RNFT2: variants seen among roughly 807,000 people sequenced by gnomAD.
The protein encoded by RNFT2 is E3 ubiquitin-protein ligase RNFT2.
Under a neutral mutation model 53.0 loss-of-function variants are expected in RNFT2, and 36 were observed. That is an observed-to-expected ratio of 0.68 (90% CI 0.52 to 0.90). The LOEUF (loss-of-function observed/expected upper bound fraction) is 0.90, where lower values mean the gene tolerates loss of function less well. Among genes scored for constraint, RNFT2 ranks in the 40% least tolerant of loss-of-function variants. RNFT2 has a pLI of 0.00. For synonymous variants in RNFT2, 260 were observed against 253.2 expected (o/e 1.03, Z -0.26); for missense variants, 514 against 585.6 (o/e 0.88, Z 1.26).
chr12:116,806,379 AAAATATATAT>A (rs1389592795), intron 7 of RNFT2, among the ~76,000 whole-genome samples: 42 of 129,890 alleles, frequency 3.2e-4, no homozygotes, highest in African/African-American at 1.4e-3. Context: ...AAAAAAAAAA[AAAATATATAT>A]ATATATATAT....
intron 7 of RNFT2, among the ~76,000 whole-genome samples, chr12:116,833,524 G>A (rs542093487): frequency 1.3e-5 from 2 of 152,328 alleles, no homozygotes; most frequent in East Asian, 3.9e-4. Flanking sequence ...CAAAGGTGTA[G>A]GGTTTCTCCT....
chr12:116,782,191 G>C (rs1038893916), intron 7 of RNFT2: 1 of 151,106 alleles, frequency 6.6e-6, no homozygotes, highest in East Asian at 1.9e-4. Context: ...ACAAATTCAT[G>C]AAGCATTCTA....
At chr12:116,782,701 C>T (rs1317810867) in intron 7 of RNFT2, among the ~76,000 whole-genome samples, 1 of 152,124 alleles carries the variant, frequency 6.6e-6, no homozygotes. Flanking sequence ...CACTGAATCT[C>T]TACAACATCC....
At position 116,850,298 on chromosome 12, in the gene RNFT2, G is replaced by T. The variant is rs1426883735; in HGVS notation, c.*850G>T. The T allele has an allele frequency of 6.7e-6, 1 of 150,346 alleles. No individual in the cohort carries two copies. The highest frequency in any genetic ancestry group is 1.5e-5 in the Non-Finnish European group (1 of 67,914). The allele number at this position is 150,346 out of a possible 1,614,324, so 9.3% of individuals were successfully genotyped here. A position where few individuals can be genotyped will look rare whatever the true frequency, so the allele number is the denominator to read the frequency against. Reference sequence around the variant, plus strand: ...GCCTCCCAAGTAGCTGGGACTACAGGTGTGTGCCACCAGGCCTGGCTAATT... The same window carrying T: ...GCCTCCCAAGTAGCTGGGACTACAGTTGTGTGCCACCAGGCCTGGCTAATT... On this transcript the variant is annotated 3_prime_UTR_variant, in exon 11 of 11. Coordinates refer to ENST00000257575, the MANE Select transcript of RNFT2 (RefSeq NM_001382266.1).
chr12:116,771,964 TC>T (rs1245613990), intron 6 of RNFT2, among the ~76,000 whole-genome samples: 2 of 152,354 alleles, frequency 1.3e-5, no homozygotes, highest in South Asian at 2.1e-4. Context: ...ACAGTTTCCC[TC>T]CTGAGTTCCT....
At chr12:116,810,445 G>A (rs555171295) in intron 7 of RNFT2, among the ~76,000 whole-genome samples, 63 of 152,200 alleles carry the variant, frequency 4.1e-4, no homozygotes, top group African/African-American at 1.5e-3. Flanking sequence ...GCTCCATGGG[G>A]GCAGAATAAG....
At chr12:116,824,943 G>A (rs1387056963) in intron 7 of RNFT2, among the ~76,000 whole-genome samples, 2 of 152,120 alleles carry the variant, frequency 1.3e-5, no homozygotes, top group African/African-American at 4.8e-5. Flanking sequence ...TGTTGTTGTT[G>A]TTGACTTGAA....
intron 10 of RNFT2, 52 bp downstream of exon 10, chr12:116,836,334 G>GTCCT: frequency 1.4e-6 from 2 of 1,442,216 alleles, no homozygotes; most frequent in Non-Finnish European, 1.9e-6. Context: ...GGGAGAGTAG[G>GTCCT]ACCCTTCCCC....
At chr12:116,759,499 C>T (rs10850709) in intron 5 of RNFT2, among the ~76,000 whole-genome samples, 11,826 of 152,214 alleles carry the variant, frequency 0.078, 601 homozygotes, top group South Asian at 0.15. Context: ...CTCCGTCAGA[C>T]GGAAGGTCTA....
intron 7 of RNFT2, among the ~76,000 whole-genome samples, chr12:116,808,602 C>T (rs1377791746): frequency 6.6e-6 from 1 of 152,136 alleles, no homozygotes; most frequent in African/African-American, 2.4e-5. Context: ...CCGCCTGGCT[C>T]CACACCCCCC....
chr12:116,774,581 C>T (rs972650650), intron 6 of RNFT2, among the ~76,000 whole-genome samples: 5 of 152,126 alleles, frequency 3.3e-5, no homozygotes, highest in African/African-American at 9.7e-5. Context: ...CAGAGGACCT[C>T]TAGGACAGGG....
In RNFT2 at chr12:116,852,642, G is replaced by C. The variant is rs751449800; in HGVS notation, c.*3194G>C. On this transcript the variant is annotated 3_prime_UTR_variant, in exon 11 of 11. Coordinates refer to ENST00000257575, the MANE Select transcript of RNFT2 (RefSeq NM_001382266.1). The stretch of plus-strand genomic sequence containing the variant: ...TGGTTTTTATCGGAAAGATCATCCT[G>C]CCTGCAGATGCTGTTGAAGGGGCAC... 6.2e-7 allele frequency: 1 copy of C among 1,614,020 alleles called. No individual in the cohort carries two copies. The highest frequency in any genetic ancestry group is 8.5e-7 in the Non-Finnish European group (1 of 1,179,888).
At chr12:116,746,478 GGA>G (rs879812243) in intron 3 of RNFT2, among the ~76,000 whole-genome samples, 3 of 152,204 alleles carry the variant, frequency 2.0e-5, no homozygotes, top group Admixed American at 6.5e-5. Flanking sequence ...GTGAGAGCAA[GGA>G]GCAGGGGACT....
At chr12:116,761,594 T>A (rs969529827) in intron 5 of RNFT2, among the ~76,000 whole-genome samples, 12 of 152,196 alleles carry the variant, frequency 7.9e-5, no homozygotes, top group Admixed American at 1.3e-4. Flanking sequence ...CTGAGCCCAT[T>A]GCTCATCTCA....
At chr12:116,781,938 G>A (rs1488277051) in intron 7 of RNFT2, among the ~76,000 whole-genome samples, 2 of 151,946 alleles carry the variant, frequency 1.3e-5, no homozygotes, top group East Asian at 3.9e-4. Context: ...AATTAGCTGG[G>A]CGTGGCAGCA....
rs139400012 is a variant in RNFT2, at chr12:116,831,574, A to G, written c.883-2218A>G. On this transcript the variant is annotated intron_variant, in intron 7 of 10. Coordinates refer to ENST00000257575, the MANE Select transcript of RNFT2 (RefSeq NM_001382266.1). The stretch of plus-strand genomic sequence containing the variant: ...TATTACAAAGAATGCTGTAGTGACC[A>G]TTCCTATAGGCACATCTTTGCACCT... Among the ~76,000 whole-genome samples the G allele has an allele frequency of 2.4e-3, 367 of 151,508 alleles. 2 individuals carry two copies. Among genetic ancestry groups the G allele is most frequent in the African/African-American group, 8.5e-3 (349 of 41,268 alleles).
At position 116,833,909 on chromosome 12, in the gene RNFT2, G is replaced by A. The variant is rs774196399; in HGVS notation, c.1000G>A (p.Gly334Arg). Residue 334 changes from glycine (G) to arginine (R), a missense_variant, in exon 8 of 11, where the codon GGG becomes AGG. Transcript: ENST00000257575. ...CTCCTCCAACAGCTACTTCCTGGGC[G>A]GGGTCCTGATCGTTCTCTACAGCCT... ...DDSSNSYFLG[G>R]VLIVLYSLCK... 6 of 1,612,596 alleles carry A rather than the reference G, an allele frequency of 3.7e-6. No homozygotes were observed. The highest frequency in any genetic ancestry group is 1.3e-5 in the African/African-American group (1 of 74,816).
chr12:116,820,532 C>G (rs1043634904), intron 7 of RNFT2, among the ~76,000 whole-genome samples: 4 of 152,170 alleles, frequency 2.6e-5, no homozygotes, highest in Non-Finnish European at 4.4e-5. Context: ...GTCCTCACTT[C>G]CCCCACCAGG....
chr12:116,755,261 T>C (rs970079163), intron 5 of RNFT2: 5 of 612,366 alleles, frequency 8.2e-6, no homozygotes, highest in African/African-American at 3.7e-5. Context: ...CCCCACTTTA[T>C]GTTTTTGTTA....
Sources: allele counts gnomAD v4.1 joint callset (sites outside exome capture counted in the v4.1 genomes callset), GRCh38; gene constraint gnomAD v4.1.1; transcripts MANE v1.5; gene names NCBI Gene and HGNC (gene_info 2026-07-23, HGNC 2026-07-21).